The following RALGAPA2 variants were observed in gnomAD, a reference collection of about 807,000 sequenced individuals.
RALGAPA2 encodes the protein Ral GTPase activating protein catalytic subunit alpha 2.
RALGAPA2 carries 139 observed loss-of-function variants against 230.4 expected under a neutral mutation model. The observed-to-expected ratio is 0.60, with a 90% confidence interval of 0.53 to 0.69. The LOEUF (loss-of-function observed/expected upper bound fraction) is 0.69. Ranked by LOEUF, RALGAPA2 falls within the 30% of genes least tolerant of loss-of-function variation. The pLI is 0.00. For synonymous variants in RALGAPA2, 847 were observed against 837.8 expected (o/e 1.01, Z -0.19); for missense variants, 2,163 against 2,276.0 (o/e 0.95, Z 1.01).
intron 13 of RALGAPA2, 72 bp downstream of exon 13, chr20:20,615,971 C>T: frequency 8.6e-7 from 1 of 1,162,684 alleles, no homozygotes; most frequent in Non-Finnish European, 1.1e-6. Context: ...AAATGCAAGC[C>T]TTAACATTTT....
At chr20:20,614,192 A>G (rs2066064147) in intron 13 of RALGAPA2, among the ~76,000 whole-genome samples, 1 of 152,190 alleles carries the variant, frequency 6.6e-6, no homozygotes, top group African/African-American at 2.4e-5. Flanking sequence ...ACTCTTTTCT[A>G]TGCTCTATTG....
intron 38 of RALGAPA2, among the ~76,000 whole-genome samples, chr20:20,401,787 G>C (rs1056535769): frequency 6.6e-6 from 1 of 152,176 alleles, no homozygotes; most frequent in African/African-American, 2.4e-5. Flanking sequence ...TCCCCAGAAA[G>C]GAATTTTGGC....
intron 38 of RALGAPA2, among the ~76,000 whole-genome samples, chr20:20,400,699 T>C (rs1465970476): frequency 6.6e-6 from 1 of 152,208 alleles, no homozygotes; most frequent in Non-Finnish European, 1.5e-5. Context: ...TTTACCAGAC[T>C]GAATTCACAT....
chr20:20,413,934 C>A (rs867932839), intron 37 of RALGAPA2, among the ~76,000 whole-genome samples: 2 of 152,300 alleles, frequency 1.3e-5, no homozygotes, highest in South Asian at 2.1e-4. Context: ...CTAGAGGGAC[C>A]CACTAATGCC....
chr20:20,684,944 CT>C (rs1206270977), intron 1 of RALGAPA2, among the ~76,000 whole-genome samples: 1 of 152,016 alleles, frequency 6.6e-6, no homozygotes, highest in East Asian at 1.9e-4. Context: ...CTTGATTTGT[CT>C]TTTTTTAAAA....
chr20:20,587,622 A>C (rs193195759), intron 18 of RALGAPA2, among the ~76,000 whole-genome samples: 83 of 152,236 alleles, frequency 5.5e-4, no homozygotes, highest in African/African-American at 1.9e-3. Flanking sequence ...AATTCCATAA[A>C]GCCTCAACAA....
chr20:20,617,976 C>T (rs919030225), intron 12 of RALGAPA2, among the ~76,000 whole-genome samples: 5 of 152,034 alleles, frequency 3.3e-5, no homozygotes, highest in African/African-American at 4.8e-5. Context: ...CCTCATTTAA[C>T]GTCATCAATA....
intron 23 of RALGAPA2, among the ~76,000 whole-genome samples, chr20:20,562,405 C>T (rs1055527364): frequency 1.1e-4 from 17 of 152,124 alleles, no homozygotes; most frequent in Admixed American, 6.5e-4. Flanking sequence ...CGATATCACA[C>T]GGTAACAGTT....
chr20:20,525,769 T>C (rs1569462993), intron 28 of RALGAPA2, among the ~76,000 whole-genome samples: 1 of 152,208 alleles, frequency 6.6e-6, no homozygotes, highest in Non-Finnish European at 1.5e-5. Flanking sequence ...TCCGCCCCTC[T>C]TTCCTACCAG....
intron 24 of RALGAPA2, among the ~76,000 whole-genome samples, chr20:20,541,292 T>C (rs1454646209): frequency 6.6e-6 from 1 of 152,136 alleles, no homozygotes; most frequent in Non-Finnish European, 1.5e-5. Context: ...AAACTGTGGA[T>C]AGTACCAAAC....
intron 20 of RALGAPA2, among the ~76,000 whole-genome samples, chr20:20,580,606 G>T (rs2064956143): frequency 6.6e-6 from 1 of 152,086 alleles, no homozygotes; most frequent in South Asian, 2.1e-4. Flanking sequence ...CTGCCTCCTG[G>T]TACTTCCCTG....
chr20:20,489,621 T>A (rs1338462953), intron 36 of RALGAPA2, among the ~76,000 whole-genome samples: 1 of 151,350 alleles, frequency 6.6e-6, no homozygotes, highest in Non-Finnish European at 1.5e-5. Flanking sequence ...ACATTTCAAG[T>A]ATAGCATAGA....
At chr20:20,612,972 C>T (rs1046603304) in intron 13 of RALGAPA2, among the ~76,000 whole-genome samples, 1 of 152,210 alleles carries the variant, frequency 6.6e-6, no homozygotes, top group Non-Finnish European at 1.5e-5. Context: ...CAAGTAAAGC[C>T]TTGATCATGG....
rs2059626505 is a variant in RALGAPA2, at chr20:20,392,832, A to G, written c.*457T>C. 1 of 238,734 alleles carries G rather than the reference A, an allele frequency of 4.2e-6. No homozygotes were observed. The highest frequency in any genetic ancestry group is 8.4e-6 in the Non-Finnish European group (1 of 118,898). 14.8% of individuals were successfully genotyped at this position (238,734 alleles called of 1,614,324 possible). A position where few individuals can be genotyped will look rare whatever the true frequency, so the allele number is the denominator to read the frequency against. ...CCCTTTGTGAATCATGCTTGGGTTC[A>G]TAAATGAGAAGAAACAACTTGGGGT... On this transcript the variant is annotated 3_prime_UTR_variant, in exon 40 of 40. Transcript: ENST00000202677.
intron 5 of RALGAPA2, among the ~76,000 whole-genome samples, chr20:20,642,462 C>T (rs543603693): frequency 1.3e-5 from 2 of 152,260 alleles, no homozygotes; most frequent in East Asian, 3.9e-4. Flanking sequence ...TTGCCTGCCT[C>T]GGCCTCCCAA....
chr20:20,545,003 A>G (rs144546711), intron 24 of RALGAPA2, among the ~76,000 whole-genome samples: 3,665 of 152,300 alleles, frequency 0.024, 64 homozygotes, highest in Middle Eastern at 0.038. Flanking sequence ...CATGTATCCC[A>G]GAACTTAAGT....
intron 2 of RALGAPA2, among the ~76,000 whole-genome samples, chr20:20,678,119 G>A (rs1358604272): frequency 6.6e-6 from 1 of 152,128 alleles, no homozygotes. Flanking sequence ...GGTGATTCTG[G>A]ATGTATTTTG....
intron 36 of RALGAPA2, among the ~76,000 whole-genome samples, chr20:20,490,725 T>G (rs1173782301): frequency 6.6e-6 from 1 of 152,166 alleles, no homozygotes; most frequent in Non-Finnish European, 1.5e-5. Context: ...AATCCTAGGC[T>G]CCTCTCAGCC....
chr20:20,639,735 T>C (rs775497470), intron 7 of RALGAPA2, 50 bp downstream of exon 7: 2 of 1,271,878 alleles, frequency 1.6e-6, no homozygotes, highest in Non-Finnish European at 2.3e-6. Flanking sequence ...TATTTCCTCT[T>C]CCTGCTGAGA....
Sources: gnomAD v4.1 joint callset for allele counts (sites outside exome capture counted in the v4.1 genomes callset) on GRCh38, gnomAD v4.1.1 for gene constraint, MANE v1.5 for transcripts, NCBI Gene and HGNC (gene_info 2026-07-23, HGNC 2026-07-21) for gene names.